DLG5: variants seen among roughly 807,000 people sequenced by gnomAD.
DLG5 encodes the protein disks large homolog 5.
A neutral mutation model predicts 189.8 loss-of-function variants in DLG5; 48 were observed. That is an observed-to-expected ratio of 0.25 (90% confidence interval 0.20 to 0.32). DLG5 has a LOEUF of 0.32. Ranked by LOEUF, DLG5 falls within the 10% of genes least tolerant of loss-of-function variation. DLG5 has a pLI of 1.00. For synonymous variants in DLG5, 1,016 were observed against 1,054.1 expected (o/e 0.96, Z 0.70); for missense variants, 2,160 against 2,544.7 (o/e 0.85, Z 3.25).
chr10:77,918,297 C>T (rs562973845), intron 1 of DLG5, among the ~76,000 whole-genome samples: 31 of 151,888 alleles, frequency 2.0e-4, no homozygotes, highest in Admixed American at 1.9e-3. Flanking sequence ...CCTGTAGTCC[C>T]AGCTACTTGG....
At chr10:77,812,398 T>C in intron 20 of DLG5, 21 bp from the exon 21 acceptor site, 2 of 1,599,066 alleles carry the variant, frequency 1.3e-6, no homozygotes, top group South Asian at 1.1e-5. Context: ...GTCAAAAGTT[T>C]CGGGGACTCA....
chr10:77,911,766 G>GCACCGCTTTCCA (rs915980131), intron 1 of DLG5, among the ~76,000 whole-genome samples: 3 of 152,110 alleles, frequency 2.0e-5, no homozygotes, highest in African/African-American at 7.2e-5. Flanking sequence ...ATCTCTAATG[G>GCACCGCTTTCCA]CACCGCTTTC....
At chr10:77,915,640 C>G (rs1846336853) in intron 1 of DLG5, among the ~76,000 whole-genome samples, 1 of 152,176 alleles carries the variant, frequency 6.6e-6, no homozygotes, top group Non-Finnish European at 1.5e-5. Context: ...ACCACAGAAC[C>G]CTTTTAGGGC....
At chr10:77,831,218 G>A (rs565431284) in intron 9 of DLG5, among the ~76,000 whole-genome samples, 4 of 152,060 alleles carry the variant, frequency 2.6e-5, no homozygotes, top group South Asian at 2.1e-4. Flanking sequence ...CAGCCTGACC[G>A]ACATGGTGAA....
In DLG5 at chr10:77,833,979, G is replaced by A. The variant is rs747144366; in HGVS notation, c.1683C>T (p.Ala561=). 3 of 1,608,128 alleles carry A rather than the reference G, an allele frequency of 1.9e-6. No homozygotes were observed. In the South Asian group the frequency reaches 3.3e-5, roughly 18 times the overall value. ...RDRAVSELAE[A]LRSLDDTRKQ... ...TGCGGGTGTCATCCAGGCTGCGCAG[G>A]GCCTCAGCCAGCTCGCTCACCGCAC... is the stretch of plus-strand genomic sequence containing the variant. The change falls in exon 9 of 32, where the codon GCC becomes GCT. Residue 561 remains alanine (A), a synonymous_variant. Transcript: ENST00000372391.
At chr10:77,834,395 C>T (rs965285762) in intron 8 of DLG5, among the ~76,000 whole-genome samples, 2 of 152,124 alleles carry the variant, frequency 1.3e-5, no homozygotes, top group Non-Finnish European at 2.9e-5. Flanking sequence ...TGGCTCTCCT[C>T]TGCATGAAGC....
At chr10:77,864,255 C>CA (rs1564559930) in intron 2 of DLG5, among the ~76,000 whole-genome samples, 1 of 152,222 alleles carries the variant, frequency 6.6e-6, no homozygotes, top group East Asian at 1.9e-4. Context: ...GGGCAGGTCT[C>CA]ACCTTTGCTT....
intron 1 of DLG5, among the ~76,000 whole-genome samples, chr10:77,909,516 A>G (rs1446371617): frequency 6.6e-6 from 1 of 152,120 alleles, no homozygotes; most frequent in African/African-American, 2.4e-5. Context: ...AAAAAAAATG[A>G]GGGTGGCTGA....
chr10:77,844,616 G>C (rs540310758), intron 5 of DLG5, among the ~76,000 whole-genome samples: 1 of 152,230 alleles, frequency 6.6e-6, no homozygotes, highest in African/African-American at 2.4e-5. Context: ...AGACAGGACA[G>C]AAAGACGCTG....
intron 20 of DLG5, among the ~76,000 whole-genome samples, 194 bp from the exon 21 acceptor site, chr10:77,812,571 C>T (rs1418168960): frequency 6.6e-6 from 1 of 152,210 alleles, no homozygotes; most frequent in Non-Finnish European, 1.5e-5. Flanking sequence ...CCCACAGCCT[C>T]ACGCAACACG....
chr10:77,795,717 C>T (rs1052702683), intron 29 of DLG5, among the ~76,000 whole-genome samples: 3 of 152,078 alleles, frequency 2.0e-5, no homozygotes, highest in African/African-American at 7.2e-5. Context: ...TGAAATTGTT[C>T]GGCACATGCA....
intron 2 of DLG5, among the ~76,000 whole-genome samples, chr10:77,865,568 T>G (rs1181867900): frequency 1.3e-5 from 2 of 152,184 alleles, no homozygotes; most frequent in African/African-American, 4.8e-5. Flanking sequence ...TTCTCCTCCT[T>G]AAAACCTCCC....
intron 7 of DLG5, among the ~76,000 whole-genome samples, chr10:77,837,921 C>T (rs1843227176): frequency 6.6e-6 from 1 of 152,236 alleles, no homozygotes; most frequent in Non-Finnish European, 1.5e-5. Flanking sequence ...CTATGGGCTG[C>T]AACCCAGCCC....
intron 24 of DLG5, 48 bp from the exon 25 acceptor site, chr10:77,807,992 A>T: frequency 1.9e-6 from 3 of 1,610,462 alleles, no homozygotes; most frequent in Non-Finnish European, 2.5e-6. Context: ...GCCAGGGGGC[A>T]GCTTGGGCAC....
the DLG5 span, among the ~76,000 whole-genome samples, chr10:77,931,866 A>G: frequency 6.6e-6 from 1 of 152,124 alleles, no homozygotes; most frequent in African/African-American, 2.4e-5. Context: ...CGGAGCCTCA[A>G]TTTCTGCATC....
At chr10:77,822,402 T>C (rs1339091010) in intron 14 of DLG5, among the ~76,000 whole-genome samples, 1 of 152,178 alleles carries the variant, frequency 6.6e-6, no homozygotes, top group South Asian at 2.1e-4. Context: ...TCCCAGCGCT[T>C]TGGTAGGCTG....
chr10:77,853,362 G>C lies in DLG5; in HGVS notation c.856C>G (p.Gln286Glu). ...QKEIGDLRAQ[Q>E]QQVLKHNGSS... ...CCAGGGGCTGGGCCTACCTGCTGCTGCTGGGCACGGAGGTCACCGATCTCC... is the reference window on the plus strand; with the variant it reads ...CCAGGGGCTGGGCCTACCTGCTGCTCCTGGGCACGGAGGTCACCGATCTCC... Residue 286 changes from glutamine to glutamate, a missense_variant, in exon 5 of 32, where the codon CAG becomes GAG. Gln to Glu is a conservative substitution (Grantham distance 29, BLOSUM62 2). Transcript: ENST00000372391. 1.3e-6 allele frequency: 2 copies of C among 1,551,730 alleles called. No homozygotes were observed. The highest frequency in any genetic ancestry group is 8.8e-7 in the Non-Finnish European group (1 of 1,141,376).
intron 10 of DLG5, 85 bp from the exon 11 acceptor site, chr10:77,830,429 A>G: frequency 6.4e-7 from 1 of 1,570,996 alleles, no homozygotes; most frequent in Non-Finnish European, 8.7e-7. Context: ...TGCCCACTCC[A>G]ATGTGGGGGA....
rs753340706 is a variant in DLG5 at position 77,842,160 on chromosome 10, G to A, written c.1158C>T (p.Ala386=). 2 of 1,606,822 alleles carry A rather than the reference G, an allele frequency of 1.2e-6. No homozygotes were observed. Among genetic ancestry groups the A allele is most frequent in the African/African-American group, 2.7e-5 (2 of 74,930 alleles). The change falls in exon 7 of 32, where the codon GCC becomes GCT. Residue 386 remains alanine (A), a synonymous_variant. Coordinates refer to ENST00000372391, the MANE Select transcript of DLG5 (RefSeq NM_004747.4). Reference sequence around the variant, plus strand: ...ACTGCAGGTCCTTGTTCTGCGCCGTGGCCTTGTTCAGCTCATGGTGGATCG... The same window carrying A: ...ACTGCAGGTCCTTGTTCTGCGCCGTAGCCTTGTTCAGCTCATGGTGGATCG... ...FEAIHHELNK[A]TAQNKDLQWE...
Sources: allele counts gnomAD v4.1 joint callset (sites outside exome capture counted in the v4.1 genomes callset), GRCh38; gene constraint gnomAD v4.1.1; transcripts MANE v1.5; gene names NCBI Gene and HGNC (gene_info 2026-07-23, HGNC 2026-07-21).